DOCK10: variants seen among roughly 807,000 people sequenced by gnomAD.
DOCK10 encodes dedicator of cytokinesis 10, also known as dedicator of cytokinesis protein 10.
Under a neutral mutation model 280.1 loss-of-function variants are expected in DOCK10, and 145 were observed. That is an observed-to-expected ratio of 0.52 (90% confidence interval 0.45 to 0.59). The LOEUF is 0.59. Among genes scored for constraint, DOCK10 ranks in the 20% least tolerant of loss-of-function variants. The pLI is 0.00. For missense variants in DOCK10, 2,368 were observed against 2,651.7 expected, an observed-to-expected ratio of 0.89 and a Z score of 2.35; for synonymous variants, 915 against 942.2, an observed-to-expected ratio of 0.97 and a Z score of 0.53.
chr2:224,869,826 G>A (rs750506738), intron 11 of DOCK10, among the ~76,000 whole-genome samples: 2 of 152,152 alleles, frequency 1.3e-5, no homozygotes, highest in East Asian at 1.9e-4. Flanking sequence ...AGGAATTCAC[G>A]TGGAAGGAGT....
intron 4 of DOCK10, among the ~76,000 whole-genome samples, chr2:224,891,197 A>G (rs1699642748): frequency 6.6e-6 from 1 of 152,314 alleles, no homozygotes; most frequent in South Asian, 2.1e-4. Context: ...ATTGTACACC[A>G]ATCTTTTAAC....
intron 14 of DOCK10, among the ~76,000 whole-genome samples, chr2:224,859,138 A>C (rs1368300665): frequency 6.6e-6 from 1 of 152,200 alleles, no homozygotes; most frequent in South Asian, 2.1e-4. Context: ...AGTCAAACAG[A>C]AGTTGGATGA....
intron 14 of DOCK10, chr2:224,861,923 CAGTG>C (rs1168450773): frequency 2.0e-5 from 3 of 152,184 alleles, no homozygotes; most frequent in Admixed American, 6.5e-5. Context: ...TTAGTTCATT[CAGTG>C]TGTACATTGA....
chr2:224,923,309 A>G (rs989803997), intron 2 of DOCK10, among the ~76,000 whole-genome samples: 2 of 152,194 alleles, frequency 1.3e-5, no homozygotes, highest in African/African-American at 2.4e-5. Flanking sequence ...AAGAACTTCA[A>G]GGTGTTTTAC....
At chr2:224,842,416 G>A (rs1574920911) in intron 22 of DOCK10, among the ~76,000 whole-genome samples, 1 of 152,144 alleles carries the variant, frequency 6.6e-6, no homozygotes, top group Non-Finnish European at 1.5e-5. Context: ...TCCAGAAGGT[G>A]GTACCTGGAA....
At chr2:224,947,325 G>A (rs1487787941) in intron 1 of DOCK10, among the ~76,000 whole-genome samples, 1 of 152,094 alleles carries the variant, frequency 6.6e-6, no homozygotes, top group African/African-American at 2.4e-5. Flanking sequence ...AGGGCTCCAC[G>A]GCTGTCAAAA....
chr2:224,809,070 A>G (rs1693596976), intron 31 of DOCK10, among the ~76,000 whole-genome samples: 1 of 152,180 alleles, frequency 6.6e-6, no homozygotes, highest in Non-Finnish European at 1.5e-5. Context: ...AGCCTGAATT[A>G]TAGAGAAAAG....
chr2:224,930,289 T>C (rs927680661), intron 2 of DOCK10, among the ~76,000 whole-genome samples: 2 of 146,022 alleles, frequency 1.4e-5, no homozygotes, highest in African/African-American at 5.1e-5. Context: ...AAAATGAAAA[T>C]GAGGATGTGG....
intron 1 of DOCK10, among the ~76,000 whole-genome samples, chr2:224,986,532 T>C (rs1559928557): frequency 1.3e-5 from 2 of 152,098 alleles, no homozygotes; most frequent in Admixed American, 6.5e-5. Context: ...AAGAAAGTAA[T>C]AAGGTTTCAT....
At chr2:224,983,781 C>T (rs1368459057) in intron 1 of DOCK10, 2 of 470,820 alleles carry the variant, frequency 4.2e-6, no homozygotes, top group Non-Finnish European at 8.8e-6. Flanking sequence ...TTTTCATCTC[C>T]CTCTGTTTTG....
intron 44 of DOCK10, 79 bp from the exon 45 acceptor site, chr2:224,795,173 T>C: frequency 1.6e-6 from 2 of 1,270,086 alleles, no homozygotes; most frequent in African/African-American, 1.5e-5. Context: ...CTATTAATTA[T>C]GGCTACGCAT....
At chr2:224,988,952 G>A (rs569352328) in intron 1 of DOCK10, among the ~76,000 whole-genome samples, 5 of 152,310 alleles carry the variant, frequency 3.3e-5, no homozygotes, top group Non-Finnish European at 7.4e-5. Context: ...GACATAAAAT[G>A]TTGGTGAACA....
chr2:224,820,885 C>T (rs910623812), intron 28 of DOCK10, among the ~76,000 whole-genome samples: 13 of 152,000 alleles, frequency 8.6e-5, no homozygotes, highest in South Asian at 4.2e-4. Flanking sequence ...GTTAGTCAGG[C>T]GAATGGGCTA....
chr2:224,942,518 G>T (rs1036925552), intron 1 of DOCK10, among the ~76,000 whole-genome samples: 2 of 152,248 alleles, frequency 1.3e-5, no homozygotes, highest in Non-Finnish European at 2.9e-5. Flanking sequence ...TCAGCTAACT[G>T]GCTCGTTTCA....
At position 224,808,048 on chromosome 2, in the gene DOCK10, T is replaced by G; in HGVS notation, c.3448A>C (p.Lys1150Gln). Reference protein sequence around the residue: ...EYSVTNEFCRKHFLIGILLRE... With the variant: ...EYSVTNEFCRQHFLIGILLRE... ...AGCAGAATTCCGATTAAGAAGTGTT[T>G]GCGACAAAATTCATTTGTGACTGAA... The change falls in exon 32 of 56, where the codon AAA becomes CAA. Residue 1150 changes from lysine to glutamine, a missense_variant. Transcript: ENST00000258390. 1 of 1,612,684 alleles carries G rather than the reference T, an allele frequency of 6.2e-7. No homozygotes were observed. Among genetic ancestry groups the G allele is most frequent in the African/African-American group, 1.3e-5 (1 of 75,022 alleles).
At chr2:225,012,941 T>C (rs1219903716) in intron 1 of DOCK10, among the ~76,000 whole-genome samples, 2 of 152,224 alleles carry the variant, frequency 1.3e-5, no homozygotes, top group African/African-American at 4.8e-5. Context: ...ATTGAGCTTC[T>C]ATTAGATTAC....
intron 1 of DOCK10, chr2:224,946,967 T>G (rs1180989122): frequency 2.0e-6 from 3 of 1,535,584 alleles, no homozygotes; most frequent in East Asian, 5.0e-5. Flanking sequence ...TGCTATAATT[T>G]GAGTCACAAA....
At chr2:224,946,765 A>C in intron 1 of DOCK10, 1 of 1,067,270 alleles carries the variant, frequency 9.4e-7, no homozygotes, top group South Asian at 1.9e-5. Flanking sequence ...CTCTGCTAGA[A>C]TACCACTGTA....
chr2:224,922,658 T>C (rs1701828670), intron 2 of DOCK10, among the ~76,000 whole-genome samples: 1 of 152,182 alleles, frequency 6.6e-6, no homozygotes, highest in African/African-American at 2.4e-5. Flanking sequence ...GAGGTTTCGT[T>C]ACAGCCACCA....
Sources: gnomAD v4.1 joint callset for allele counts (sites outside exome capture counted in the v4.1 genomes callset) on GRCh38, gnomAD v4.1.1 for gene constraint, MANE v1.5 for transcripts, NCBI Gene and HGNC (gene_info 2026-07-23, HGNC 2026-07-21) for gene names.